The following KIAA1328 variants were observed in gnomAD, a reference collection of about 807,000 sequenced individuals.
KIAA1328 encodes protein hinderin.
A neutral mutation model predicts 68.1 loss-of-function variants in KIAA1328; 52 were observed. That is an observed-to-expected ratio of 0.76 (90% CI 0.61 to 0.96). The LOEUF (loss-of-function observed/expected upper bound fraction) is 0.96, where lower values mean the gene tolerates loss of function less well. Ranked by LOEUF, KIAA1328 falls within the 40% of genes least tolerant of loss-of-function variation. KIAA1328 has a pLI of 0.00. For missense variants in KIAA1328, 641 were observed against 677.6 expected (o/e 0.95, Z 0.60); for synonymous variants, 232 against 239.4 (o/e 0.97, Z 0.28).
At chr18:37,060,495 C>T (rs1335774364) in intron 6 of KIAA1328, among the ~76,000 whole-genome samples, 1 of 152,116 alleles carries the variant, frequency 6.6e-6, no homozygotes, top group Admixed American at 6.5e-5. Flanking sequence ...CTTATACTAC[C>T]AAGTGTTCAC....
rs149782007 is a variant in KIAA1328, at chr18:37,112,188, C to T, written c.1232+44643C>T. ...GAAGAGAGTAGCAGTTCTCCCAGCA[C>T]GGAGTTTGAGATCTGAGAATGGACA... is the stretch of plus-strand genomic sequence containing the variant. On this transcript the variant is annotated intron_variant, in intron 7 of 9. Transcript: ENST00000280020. Among the ~76,000 whole-genome samples, 337 of 152,290 alleles carry T rather than the reference C, an allele frequency of 2.2e-3. 1 individual carries two copies. The highest frequency in any genetic ancestry group is 7.6e-3 in the African/African-American group (317 of 41,564).
At chr18:36,869,760 A>G (rs1236047204) in intron 4 of KIAA1328, among the ~76,000 whole-genome samples, 4 of 152,208 alleles carry the variant, frequency 2.6e-5, no homozygotes, top group African/African-American at 9.6e-5. Flanking sequence ...AGAAATATAT[A>G]TATGGCAATT....
chr18:37,099,164 G>C (rs2057516357), intron 7 of KIAA1328, among the ~76,000 whole-genome samples: 2 of 152,112 alleles, frequency 1.3e-5, no homozygotes, highest in South Asian at 2.1e-4. Flanking sequence ...TAATTGTGAT[G>C]TTAGGATGTC....
At chr18:37,212,423 G>T (rs1005727458) in intron 9 of KIAA1328, among the ~76,000 whole-genome samples, 2 of 152,102 alleles carry the variant, frequency 1.3e-5, no homozygotes, top group Admixed American at 1.3e-4. Flanking sequence ...TTGAGGGCAG[G>T]GCCAATAACA....
chr18:37,123,151 A>C (rs1309168691), intron 7 of KIAA1328, among the ~76,000 whole-genome samples: 1 of 152,154 alleles, frequency 6.6e-6, no homozygotes, highest in East Asian at 1.9e-4. Context: ...TGAAGAGAGA[A>C]AGCATTCTCA....
chr18:36,877,793 A>C (rs371036747), intron 4 of KIAA1328, among the ~76,000 whole-genome samples: 2 of 150,234 alleles, frequency 1.3e-5, no homozygotes, highest in Non-Finnish European at 3.0e-5. Context: ...CAGCCTCCCG[A>C]GTAGCTGGGA....
At chr18:37,205,031 C>A (rs2060191894) in intron 9 of KIAA1328, among the ~76,000 whole-genome samples, 1 of 152,042 alleles carries the variant, frequency 6.6e-6, no homozygotes, top group Admixed American at 6.6e-5. Flanking sequence ...AACCAATAAG[C>A]CTTAACCAAG....
intron 6 of KIAA1328, among the ~76,000 whole-genome samples, chr18:37,064,679 A>G (rs1365602526): frequency 2.6e-5 from 4 of 152,038 alleles, no homozygotes; most frequent in Non-Finnish European, 4.4e-5. Context: ...GGTAGGCCCA[A>G]TCAAATCCAA....
downstream of KIAA1328, chr18:37,229,885 CAAAAAAAAA>C (rs1222210750): frequency 1.0e-5 from 1 of 100,248 alleles, no homozygotes; most frequent in South Asian, 3.4e-4. Flanking sequence ...GACTCCATCT[CAAAAAAAAA>C]AAAAAAAAAA....
chr18:36,908,683 C>T (rs2049312245), intron 5 of KIAA1328, among the ~76,000 whole-genome samples: 1 of 152,060 alleles, frequency 6.6e-6, no homozygotes, highest in South Asian at 2.1e-4. Flanking sequence ...TTATTGCAAA[C>T]TAACTTGGGA....
intron 5 of KIAA1328, among the ~76,000 whole-genome samples, chr18:36,925,524 C>A (rs2050079971): frequency 6.6e-6 from 1 of 151,752 alleles, no homozygotes; most frequent in South Asian, 2.1e-4. Context: ...TTTTAGCCTT[C>A]TTCAAAAAAA....
intron 9 of KIAA1328, among the ~76,000 whole-genome samples, chr18:37,211,977 A>T (rs1298486075): frequency 6.6e-6 from 1 of 152,194 alleles, no homozygotes; most frequent in Non-Finnish European, 1.5e-5. Flanking sequence ...CACTCAGAGT[A>T]TCCCCCCCTA....
chr18:36,965,762 T>G (rs1456059936), intron 6 of KIAA1328, among the ~76,000 whole-genome samples: 1 of 151,318 alleles, frequency 6.6e-6, no homozygotes, highest in Non-Finnish European at 1.5e-5. Context: ...TGGTTAAAAT[T>G]TTATCTAATT....
intron 5 of KIAA1328, among the ~76,000 whole-genome samples, chr18:36,957,531 T>C (rs1192441849): frequency 6.6e-6 from 1 of 152,150 alleles, no homozygotes; most frequent in African/African-American, 2.4e-5. Context: ...TTAGGAGTTG[T>C]GAGAGAGGGT....
intron 2 of KIAA1328, 41 bp downstream of exon 2, chr18:36,834,396 T>G: frequency 6.7e-7 from 1 of 1,503,740 alleles, no homozygotes; most frequent in Non-Finnish European, 9.0e-7. Flanking sequence ...CTTACTTTGG[T>G]CCTTAAATGT....
At chr18:36,851,533 A>AT (rs940702099) in intron 4 of KIAA1328, among the ~76,000 whole-genome samples, 19 of 151,418 alleles carry the variant, frequency 1.3e-4, no homozygotes, top group Admixed American at 9.9e-4. Context: ...AGTTTTGGTA[A>AT]TTTTTTTTGT....
chr18:37,137,509 C>T (rs950759640), intron 7 of KIAA1328, among the ~76,000 whole-genome samples: 4 of 152,134 alleles, frequency 2.6e-5, no homozygotes, highest in Non-Finnish European at 5.9e-5. Flanking sequence ...AACCATGCTC[C>T]GATGGTCACT....
intron 9 of KIAA1328, among the ~76,000 whole-genome samples, chr18:37,190,552 C>G (rs1052953153): frequency 6.6e-6 from 1 of 152,112 alleles, no homozygotes; most frequent in South Asian, 2.1e-4. Flanking sequence ...TGTCAGTTTC[C>G]AGAAGCACGG....
At chr18:36,984,253 A>G (rs8086280) in intron 6 of KIAA1328, among the ~76,000 whole-genome samples, 150,421 of 152,288 alleles carry the variant, frequency 0.99, 74,306 homozygotes, top group East Asian at 1. Context: ...AAAGTTTCAG[A>G]CCATGTAATA....
Sources: gnomAD v4.1 joint callset for allele counts (sites outside exome capture counted in the v4.1 genomes callset) on GRCh38, gnomAD v4.1.1 for gene constraint, MANE v1.5 for transcripts, NCBI Gene and HGNC (gene_info 2026-07-23, HGNC 2026-07-21) for gene names.